Variants in TFEC observed in about 807,000 individuals in gnomAD.
TFEC encodes the protein transcription factor EC.
TFEC carries 31 observed loss-of-function variants against 41.6 expected under a neutral mutation model. The observed-to-expected ratio is 0.74, with a 90% CI of 0.56 to 1.01. The LOEUF (loss-of-function observed/expected upper bound fraction) is 1.01, where lower values mean the gene tolerates loss of function less well. Ranked by LOEUF, TFEC falls within the 50% of genes least tolerant of loss-of-function variation. TFEC has a pLI of 0.00. For missense variants in TFEC, 402 were observed against 404.1 expected (o/e 0.99, Z 0.04); for synonymous variants, 143 against 140.6 (o/e 1.02, Z -0.12).
At chr7:116,098,156 T>A (rs1398529861) in intron 3 of TFEC, among the ~76,000 whole-genome samples, 2 of 152,028 alleles carry the variant, frequency 1.3e-5, no homozygotes, top group East Asian at 3.9e-4. Context: ...ATGCAAACAT[T>A]AACTTTTTTT....
intron 3 of TFEC, among the ~76,000 whole-genome samples, chr7:116,090,879 ACAC>A (rs1041916269): frequency 6.6e-6 from 1 of 151,514 alleles, no homozygotes; most frequent in Non-Finnish European, 1.5e-5. Flanking sequence ...AGAAAACCAA[ACAC>A]CACATGTTGT....
intron 1 of TFEC, among the ~76,000 whole-genome samples, chr7:116,025,892 G>A (rs1461700610): frequency 1.3e-5 from 2 of 152,182 alleles, no homozygotes; most frequent in East Asian, 3.9e-4. Flanking sequence ...CTATTTTGAA[G>A]GTATTACCCA....
intron 1 of TFEC, among the ~76,000 whole-genome samples, chr7:116,140,098 A>T (rs1037154902): frequency 6.6e-6 from 1 of 152,186 alleles, no homozygotes; most frequent in Non-Finnish European, 1.5e-5. Flanking sequence ...GAAAAATTCT[A>T]CCAGGAGAGG....
At chr7:115,972,488 A>T (rs750547633) in intron 3 of TFEC, among the ~76,000 whole-genome samples, 1 of 152,050 alleles carries the variant, frequency 6.6e-6, no homozygotes, top group Non-Finnish European at 1.5e-5. Flanking sequence ...GGTACAACTC[A>T]TTGTGCTACC....
intron 1 of TFEC, among the ~76,000 whole-genome samples, chr7:116,158,637 C>T (rs1206118956): frequency 6.6e-6 from 1 of 151,918 alleles, no homozygotes; most frequent in Non-Finnish European, 1.5e-5. Flanking sequence ...TTCTGAAGTA[C>T]AAAAATATAT....
At chr7:116,013,064 T>C (rs1320967928) in intron 1 of TFEC, among the ~76,000 whole-genome samples, 1 of 152,104 alleles carries the variant, frequency 6.6e-6, no homozygotes. Context: ...AAAATGAGAC[T>C]TTTAGATTAT....
chr7:115,972,906 T>G (rs1793199860), intron 3 of TFEC, among the ~76,000 whole-genome samples: 1 of 152,020 alleles, frequency 6.6e-6, no homozygotes, highest in African/African-American at 2.4e-5. Context: ...GAAATTAATA[T>G]CATTTCCTCA....
intron 1 of TFEC, among the ~76,000 whole-genome samples, chr7:116,132,477 A>C (rs1023174634): frequency 1.3e-5 from 2 of 152,216 alleles, no homozygotes; most frequent in Non-Finnish European, 2.9e-5. Flanking sequence ...CTCAAGGATC[A>C]GGTCTAATAA....
chr7:116,074,163 G>T (rs1796898042), intron 3 of TFEC, among the ~76,000 whole-genome samples: 1 of 144,030 alleles, frequency 6.9e-6, no homozygotes. Context: ...TACTAAATAT[G>T]TATTTACCTA....
At chr7:116,087,086 CA>C (rs1458974993) in intron 3 of TFEC, among the ~76,000 whole-genome samples, 1 of 151,866 alleles carries the variant, frequency 6.6e-6, no homozygotes, top group Admixed American at 6.6e-5. Flanking sequence ...CTGTTCGGTG[CA>C]TGAATTACAA....
intron 1 of TFEC, among the ~76,000 whole-genome samples, chr7:116,146,864 A>G (rs1292526060): frequency 6.6e-6 from 1 of 152,194 alleles, no homozygotes; most frequent in Non-Finnish European, 1.5e-5. Context: ...GAGACTACTG[A>G]AAGTGCAATG....
At chr7:116,132,931 T>A (rs750058954) in intron 1 of TFEC, among the ~76,000 whole-genome samples, 3 of 152,214 alleles carry the variant, frequency 2.0e-5, no homozygotes, top group Non-Finnish European at 2.9e-5. Context: ...TTGTCTTTTA[T>A]CTCATTTATC....
At chr7:116,073,821 G>C (rs1796887818) in intron 3 of TFEC, among the ~76,000 whole-genome samples, 1 of 151,836 alleles carries the variant, frequency 6.6e-6, no homozygotes, top group Non-Finnish European at 1.5e-5. Context: ...TAGAAATCCA[G>C]AAATAATAGA....
intron 3 of TFEC, among the ~76,000 whole-genome samples, chr7:116,067,663 T>TGG (rs1796726398): frequency 1.3e-5 from 2 of 151,964 alleles, no homozygotes; most frequent in Non-Finnish European, 2.9e-5. Context: ...ATTTAGTAAA[T>TGG]ATTTATTGAG....
intron 3 of TFEC, among the ~76,000 whole-genome samples, chr7:116,105,479 C>T (rs1797696148): frequency 6.6e-6 from 1 of 152,150 alleles, no homozygotes; most frequent in African/African-American, 2.4e-5. Context: ...GGAGAAGCAC[C>T]TTAGTGTTGA....
rs1796899152 is a variant in TFEC at position 116,074,190 on chromosome 7, TA to T, written c.198+36517del. Among the ~76,000 whole-genome samples, 54 of 101,792 alleles carry T rather than the reference TA, an allele frequency of 5.3e-4. No homozygotes were observed. The South Asian group carries it at 0.015, about 28-fold the overall frequency. The allele number at this position is 101,792 out of a possible 152,430, so 66.8% of individuals were successfully genotyped here. On this transcript the variant is annotated intron_variant, in intron 3 of 8. Transcript: ENST00000484212. ...ATTTACCTAAATATTATACATTATA[TA>T]TTTTTTGTGTATGTGTATATATGTG...
chr7:116,145,638 A>T (rs1798626373), intron 1 of TFEC, among the ~76,000 whole-genome samples: 1 of 152,198 alleles, frequency 6.6e-6, no homozygotes, highest in Admixed American at 6.5e-5. Context: ...AGGAGATATT[A>T]TCAGGTCTCA....
intron 1 of TFEC, among the ~76,000 whole-genome samples, chr7:116,149,902 A>G (rs532449614): frequency 6.6e-6 from 1 of 152,268 alleles, no homozygotes; most frequent in African/African-American, 2.4e-5. Flanking sequence ...ATTAAACATT[A>G]TTTCTTCATG....
At chr7:116,118,937 C>G (rs1276610178) in intron 1 of TFEC, among the ~76,000 whole-genome samples, 1 of 151,782 alleles carries the variant, frequency 6.6e-6, no homozygotes. Context: ...GTCAAAAAGT[C>G]TAGCTCAAGG....
Sources: allele counts gnomAD v4.1 joint callset (sites outside exome capture counted in the v4.1 genomes callset), GRCh38; gene constraint gnomAD v4.1.1; transcripts MANE v1.5; gene names NCBI Gene and HGNC (gene_info 2026-07-23, HGNC 2026-07-21).